Variants in ITSN1 observed in about 807,000 individuals in gnomAD.
ITSN1 encodes the protein intersectin 1.
Under a neutral mutation model 239.8 loss-of-function variants are expected in ITSN1, and 58 were observed. The observed-to-expected ratio is 0.24, with a 90% CI of 0.20 to 0.30. The LOEUF is 0.30. Among genes scored for constraint, ITSN1 ranks in the 10% least tolerant of loss-of-function variants. The probability of loss-of-function intolerance (pLI) is 1.00; values close to 1 mark genes in which losing one functional copy is unlikely to be tolerated. For missense variants in ITSN1, 1,558 were observed against 2,103.3 expected (o/e 0.74, Z 5.07); for synonymous variants, 780 against 770.8 (o/e 1.01, Z -0.20).
chr21:33,660,101 C>G (rs1443130532), intron 1 of ITSN1, among the ~76,000 whole-genome samples: 2 of 152,316 alleles, frequency 1.3e-5, no homozygotes, highest in East Asian at 3.9e-4. Flanking sequence ...CCCCACTGCT[C>G]TGGTCTTAGT....
At chr21:33,670,027 A>G (rs1471281921) in intron 1 of ITSN1, among the ~76,000 whole-genome samples, 4 of 152,070 alleles carry the variant, frequency 2.6e-5, no homozygotes, top group African/African-American at 7.3e-5. Context: ...TGACCTCTCC[A>G]TATCTTTTTC....
At chr21:33,859,671 T>C (rs1980090359) in intron 31 of ITSN1, among the ~76,000 whole-genome samples, 1 of 152,178 alleles carries the variant, frequency 6.6e-6, no homozygotes, top group Non-Finnish European at 1.5e-5. Flanking sequence ...CTAAATGTGG[T>C]CTCTGCATTG....
At chr21:33,746,955 AC>A (rs985278253) in intron 5 of ITSN1, among the ~76,000 whole-genome samples, 1 of 152,120 alleles carries the variant, frequency 6.6e-6, no homozygotes, top group African/African-American at 2.4e-5. Flanking sequence ...GAAGTTGGAG[AC>A]CAGTCTGGCC....
chr21:33,645,555 G>C (rs573460769), intron 1 of ITSN1, among the ~76,000 whole-genome samples: 18 of 152,196 alleles, frequency 1.2e-4, no homozygotes, highest in African/African-American at 4.1e-4. Context: ...GAGGTGGGAG[G>C]ATCTGGTTCG....
At chr21:33,698,503 T>C (rs1459239963) in intron 1 of ITSN1, among the ~76,000 whole-genome samples, 1 of 152,266 alleles carries the variant, frequency 6.6e-6, no homozygotes, top group African/African-American at 2.4e-5. Flanking sequence ...TTCTTTATCC[T>C]TTATGCAGTT....
At chr21:33,795,559 A>G (rs570341121) in intron 17 of ITSN1, among the ~76,000 whole-genome samples, 2 of 152,240 alleles carry the variant, frequency 1.3e-5, no homozygotes, top group African/African-American at 4.8e-5. Context: ...TTATGGGTAT[A>G]TAGAGTCTTC....
chr21:33,800,945 AACCTCTGCCTCCCG>A (rs1483050887), intron 19 of ITSN1, among the ~76,000 whole-genome samples: 8 of 148,950 alleles, frequency 5.4e-5, no homozygotes, highest in African/African-American at 2.0e-4. Flanking sequence ...GCCTCCCTGC[AACCTCTGCCTCCCG>A]GGCTCAAGCA....
chr21:33,663,412 A>C (rs973282856), intron 1 of ITSN1, among the ~76,000 whole-genome samples: 15 of 152,250 alleles, frequency 9.9e-5, no homozygotes, highest in Admixed American at 9.2e-4. Context: ...TTTGCTGGCA[A>C]CTGTAACCTT....
rs552023408 is a variant in ITSN1, at chr21:33,654,261, G to C, written c.-33+11548G>C. Among the ~76,000 whole-genome samples, 3 of 138,236 alleles carry C rather than the reference G, an allele frequency of 2.2e-5. No individual in the cohort carries two copies. In the East Asian group the frequency reaches 6.3e-4, roughly 29 times the overall value. The allele number at this position is 138,236 out of a possible 152,430, so 90.7% of individuals were successfully genotyped here. ...TTTGGAGAGACGATCTCGCTGTGTT[G>C]CCTAGGCTGGTCATGAACTTCTGGA... is the stretch of plus-strand genomic sequence containing the variant. On this transcript the variant is annotated intron_variant, in intron 1 of 39. Coordinates refer to ENST00000381318, the MANE Select transcript of ITSN1 (RefSeq NM_003024.3).
chr21:33,773,656 A>G (rs1312194446), intron 12 of ITSN1, among the ~76,000 whole-genome samples: 1 of 152,118 alleles, frequency 6.6e-6, no homozygotes, highest in Non-Finnish European at 1.5e-5. Context: ...TCAAAAAAAG[A>G]AAGAAACAAA....
intron 8 of ITSN1, among the ~76,000 whole-genome samples, chr21:33,759,216 C>G (rs1240160316): frequency 6.6e-6 from 1 of 152,192 alleles, no homozygotes; most frequent in Non-Finnish European, 1.5e-5. Context: ...TTTAATAAAA[C>G]TTTGCTTACC....
intron 34 of ITSN1, among the ~76,000 whole-genome samples, chr21:33,878,008 TTGTGTGTGTGTGTGTGTG>T (rs71194867): frequency 7.1e-5 from 10 of 140,324 alleles, no homozygotes; most frequent in African/African-American, 1.9e-4. Flanking sequence ...CTCTCTCTCT[TTGTGTGTGTGTGTGTGTG>T]TGTGTGTGTG....
At position 33,735,121 on chromosome 21, in the gene ITSN1, A is replaced by T; in HGVS notation, c.263A>T (p.Lys88Met). Residue 88 changes from lysine (K) to methionine (M), a missense_variant, in exon 5 of 40, where the codon AAG (lysine) becomes ATG (methionine). Coordinates refer to ENST00000381318, the MANE Select transcript of ITSN1 (RefSeq NM_003024.3). ...FSIAMKLIKL[K>M]LQGYQLPSAL... ...ATAGCTATGAAACTTATCAAACTGA[A>T]GCTACAAGGATATCAGCTACCCTCT... 3.1e-6 allele frequency: 5 copies of T among 1,614,020 alleles called. No homozygotes were observed. Among genetic ancestry groups the T allele is most frequent in the Non-Finnish European group, 4.2e-6 (5 of 1,179,894 alleles).
chr21:33,849,565 CAAAAAA>C (rs55906219), intron 29 of ITSN1, among the ~76,000 whole-genome samples: 1 of 85,742 alleles, frequency 1.2e-5, no homozygotes. Context: ...GACTCTGTCT[CAAAAAA>C]AAAAAAAAAA....
chr21:33,754,884 A>G (rs1214838076), intron 7 of ITSN1, among the ~76,000 whole-genome samples: 1 of 152,186 alleles, frequency 6.6e-6, no homozygotes, highest in Non-Finnish European at 1.5e-5. Flanking sequence ...GAGAATTAGT[A>G]CCTTTAAAGG....
At chr21:33,800,859 G>C (rs2071942863) in intron 19 of ITSN1, among the ~76,000 whole-genome samples, 1 of 150,514 alleles carries the variant, frequency 6.6e-6, no homozygotes, top group South Asian at 2.1e-4. Context: ...CTGTTGCCCA[G>C]GCTGGAGTGC....
intron 1 of ITSN1, among the ~76,000 whole-genome samples, chr21:33,690,790 CATATATATATATATATATAT>C (rs1167375498): frequency 2.3e-4 from 3 of 12,962 alleles, no homozygotes; most frequent in African/African-American, 1.1e-3. Flanking sequence ...TATATATATA[CATATATATATATATATATAT>C]ATATGTATAT....
At chr21:33,648,994 C>CT (rs1387471900) in intron 1 of ITSN1, among the ~76,000 whole-genome samples, 5 of 152,130 alleles carry the variant, frequency 3.3e-5, no homozygotes, top group Non-Finnish European at 5.9e-5. Context: ...AGTGGTTTTC[C>CT]TAAAGTACCC....
chr21:33,715,870 A>G (rs1275744749), intron 1 of ITSN1, among the ~76,000 whole-genome samples: 1 of 152,160 alleles, frequency 6.6e-6, no homozygotes, highest in African/African-American at 2.4e-5. Context: ...GTGAGCCAAG[A>G]TTGCACCACT....
Sources: allele counts gnomAD v4.1 joint callset (sites outside exome capture counted in the v4.1 genomes callset), GRCh38; gene constraint gnomAD v4.1.1; transcripts MANE v1.5; gene names NCBI Gene and HGNC (gene_info 2026-07-23, HGNC 2026-07-21).